Variants in DGKB observed in about 807,000 individuals in gnomAD.
DGKB encodes the protein diacylglycerol kinase beta, also known as 90 kDa diacylglycerol kinase.
DGKB carries 67 observed loss-of-function variants against 114.3 expected under a neutral mutation model. The observed-to-expected ratio is 0.59, with a 90% CI of 0.48 to 0.72. The LOEUF (loss-of-function observed/expected upper bound fraction) is 0.72. DGKB is among the 30% of genes least tolerant of loss of function. The pLI, the probability that DGKB is intolerant of heterozygous loss-of-function variation, is 0.00. For missense variants in DGKB, 907 were observed against 975.2 expected (o/e 0.93, Z 0.93); for synonymous variants, 398 against 323.1 (o/e 1.23, Z -2.49).
intron 23 of DGKB, among the ~76,000 whole-genome samples, chr7:14,285,025 A>T (rs113249895): frequency 3.9e-4 from 24 of 61,802 alleles, no homozygotes; most frequent in East Asian, 2.0e-3. Flanking sequence ...AAAAAAATAA[A>T]AAAATAATAA....
At chr7:14,951,970 T>C (rs903788190) in intron 1 of DGKB, among the ~76,000 whole-genome samples, 14 of 152,170 alleles carry the variant, frequency 9.2e-5, no homozygotes, top group African/African-American at 3.4e-4. Flanking sequence ...CCCATTGATA[T>C]GCTGAAGTCT....
intron 2 of DGKB, among the ~76,000 whole-genome samples, chr7:14,836,033 A>T (rs1847111542): frequency 6.6e-6 from 1 of 152,156 alleles, no homozygotes; most frequent in South Asian, 2.1e-4. Context: ...CAAGATTTTG[A>T]GGTGGGATTC....
chr7:14,448,912 C>A (rs1168226318), intron 21 of DGKB, among the ~76,000 whole-genome samples: 1 of 151,938 alleles, frequency 6.6e-6, no homozygotes, highest in African/African-American at 2.4e-5. Flanking sequence ...ACTGGAAAGA[C>A]TAAGAACAGA....
chr7:14,162,241 A>G (rs903043915), intron 25 of DGKB, among the ~76,000 whole-genome samples: 9 of 152,204 alleles, frequency 5.9e-5, no homozygotes, highest in Non-Finnish European at 1.0e-4. Context: ...ACCAGCAGAA[A>G]GATTTCTAAC....
intron 23 of DGKB, among the ~76,000 whole-genome samples, chr7:14,296,137 T>C (rs1484170511): frequency 6.6e-6 from 1 of 151,446 alleles, no homozygotes; most frequent in Non-Finnish European, 1.5e-5. Context: ...GTTCAAGCAA[T>C]TATCCTGCCT....
chr7:14,406,584 T>C (rs577140494), intron 21 of DGKB, among the ~76,000 whole-genome samples: 3 of 152,118 alleles, frequency 2.0e-5, no homozygotes, highest in Admixed American at 6.6e-5. Context: ...AAAACAATCA[T>C]TGGTGATCCT....
At chr7:14,524,411 A>G (rs1332482774) in intron 20 of DGKB, among the ~76,000 whole-genome samples, 1 of 152,180 alleles carries the variant, frequency 6.6e-6, no homozygotes, top group Non-Finnish European at 1.5e-5. Context: ...CTATCTTCAA[A>G]CCCTGCTTAC....
In DGKB at chr7:14,145,739, A is replaced by C. The variant is rs1005277492; in HGVS notation, c.*3392T>G. 1 of 152,150 alleles carries C rather than the reference A, an allele frequency of 6.6e-6. No individual in the cohort carries two copies. The highest frequency in any genetic ancestry group is 2.4e-5 in the African/African-American group (1 of 41,422). The allele number at this position is 152,150 out of a possible 1,614,324, so 9.4% of individuals were successfully genotyped here. ...CCCAAAGTGCTGGGATTACAGGCGT[A>C]AGCCATTGCGCCTGGCCACATTTTC... On this transcript the variant is annotated 3_prime_UTR_variant, in exon 26 of 26. Coordinates refer to ENST00000402815, the MANE Select transcript of DGKB (RefSeq NM_001350709.2).
chr7:14,882,913 T>G (rs1854460408), intron 1 of DGKB, among the ~76,000 whole-genome samples: 1 of 152,016 alleles, frequency 6.6e-6, no homozygotes, highest in South Asian at 2.1e-4. Context: ...TTTGCTATTT[T>G]AAATAGTGCT....
intron 2 of DGKB, among the ~76,000 whole-genome samples, chr7:14,777,701 C>T (rs1838413055): frequency 6.6e-6 from 1 of 152,132 alleles, no homozygotes; most frequent in African/African-American, 2.4e-5. Flanking sequence ...ATTACACAGT[C>T]TCAGGTATGT....
intron 1 of DGKB, among the ~76,000 whole-genome samples, chr7:14,912,599 T>C (rs1410936726): frequency 2.6e-5 from 4 of 152,144 alleles, no homozygotes; most frequent in Non-Finnish European, 5.9e-5. Flanking sequence ...AAATAAAAAG[T>C]ATTTAGTGTT....
intron 25 of DGKB, among the ~76,000 whole-genome samples, chr7:14,154,632 G>A (rs576264471): frequency 2.5e-4 from 38 of 151,798 alleles, no homozygotes; most frequent in African/African-American, 8.7e-4. Context: ...AAGAGTGTTA[G>A]AAACCACCTT....
chr7:14,700,644 A>C (rs1045680627), intron 7 of DGKB, among the ~76,000 whole-genome samples: 14 of 152,174 alleles, frequency 9.2e-5, no homozygotes, highest in Non-Finnish European at 1.8e-4. Flanking sequence ...CTAATGTACC[A>C]TTATCCTACT....
intron 8 of DGKB, among the ~76,000 whole-genome samples, chr7:14,695,073 G>A (rs1460505120): frequency 1.3e-5 from 2 of 152,134 alleles, no homozygotes; most frequent in African/African-American, 4.8e-5. Context: ...GAGAGCATTG[G>A]AACAGAGATT....
intron 23 of DGKB, among the ~76,000 whole-genome samples, chr7:14,271,426 C>CA (rs1798256332): frequency 1.3e-5 from 2 of 152,154 alleles, no homozygotes; most frequent in South Asian, 4.1e-4. Context: ...GCCAATTAGT[C>CA]AAACAGTTAC....
chr7:14,643,779 C>A (rs1812328242), intron 13 of DGKB, among the ~76,000 whole-genome samples: 1 of 152,172 alleles, frequency 6.6e-6, no homozygotes, highest in African/African-American at 2.4e-5. Context: ...TGTCAATAAC[C>A]TGCAAACCAG....
chr7:14,650,913 C>G (rs1293685212), intron 13 of DGKB, among the ~76,000 whole-genome samples: 3 of 152,132 alleles, frequency 2.0e-5, no homozygotes, highest in African/African-American at 7.2e-5. Context: ...TGGATAAACT[C>G]CTCGACACAT....
At chr7:14,542,417 G>A (rs922052493) in intron 20 of DGKB, among the ~76,000 whole-genome samples, 3 of 152,060 alleles carry the variant, frequency 2.0e-5, no homozygotes, top group East Asian at 1.9e-4. Flanking sequence ...TGTACTACCC[G>A]TATTCTCTAC....
At chr7:14,287,257 G>A (rs1801020938) in intron 23 of DGKB, among the ~76,000 whole-genome samples, 1 of 152,146 alleles carries the variant, frequency 6.6e-6, no homozygotes, top group African/African-American at 2.4e-5. Flanking sequence ...AAACTAGAGG[G>A]TTTAAGATTT....
Sources: allele counts gnomAD v4.1 joint callset (sites outside exome capture counted in the v4.1 genomes callset), GRCh38; gene constraint gnomAD v4.1.1; transcripts MANE v1.5; gene names NCBI Gene and HGNC (gene_info 2026-07-23, HGNC 2026-07-21).